Variants in MPDZ observed in about 807,000 individuals in gnomAD.
The protein encoded by MPDZ is multiple PDZ domain protein.
In MPDZ, 234 loss-of-function variants were observed where a neutral mutation model predicts 239.1. The observed-to-expected ratio is 0.98, with a 90% CI of 0.88 to 1.09. MPDZ has a LOEUF of 1.09. Ranked by LOEUF, MPDZ falls within the 50% of genes least tolerant of loss-of-function variation. The probability of loss-of-function intolerance (pLI) is 0.00; values close to 1 mark genes in which losing one functional copy is unlikely to be tolerated. For missense variants in MPDZ, 3,175 were observed against 2,510.0 expected, an observed-to-expected ratio of 1.26 and a Z score of -5.66; for synonymous variants, 1,048 against 881.3, an observed-to-expected ratio of 1.19 and a Z score of -3.35.
At chr9:13,117,594 G>A (rs903915248) in intron 39 of MPDZ, among the ~76,000 whole-genome samples, 1 of 151,008 alleles carries the variant, frequency 6.6e-6, no homozygotes, top group Non-Finnish European at 1.5e-5. Context: ...ATGCATCCTT[G>A]CTATTTATAC....
intron 3 of MPDZ, among the ~76,000 whole-genome samples, chr9:13,231,680 A>G (rs975702225): frequency 2.0e-4 from 29 of 147,238 alleles, no homozygotes; most frequent in Middle Eastern, 3.5e-3. Flanking sequence ...AATTCTTCCC[A>G]TTTTTTTTTT....
chr9:13,269,460 A>G (rs142088848), intron 1 of MPDZ, among the ~76,000 whole-genome samples: 1 of 152,280 alleles, frequency 6.6e-6, no homozygotes, highest in East Asian at 1.9e-4. Context: ...TCCTAGTGGA[A>G]TCAATAACAT....
At chr9:13,191,474 C>T (rs757442122) in intron 15 of MPDZ, among the ~76,000 whole-genome samples, 9 of 152,018 alleles carry the variant, frequency 5.9e-5, no homozygotes, top group Non-Finnish European at 1.2e-4. Context: ...CATCATGATA[C>T]GAATGAATGA....
intron 19 of MPDZ, among the ~76,000 whole-genome samples, chr9:13,181,278 G>C (rs1953282300): frequency 6.6e-6 from 1 of 152,034 alleles, no homozygotes; most frequent in African/African-American, 2.4e-5. Flanking sequence ...AAGCCTTTAA[G>C]TACGCTCACT....
intron 31 of MPDZ, chr9:13,134,212 A>G (rs1418303674): frequency 6.3e-6 from 1 of 158,164 alleles, no homozygotes; most frequent in African/African-American, 2.4e-5. Flanking sequence ...GGTTTACTGT[A>G]TAATGAAAAC....
chr9:13,172,666 C>T (rs973710762), intron 21 of MPDZ, among the ~76,000 whole-genome samples: 17 of 152,180 alleles, frequency 1.1e-4, no homozygotes, highest in Admixed American at 3.9e-4. Flanking sequence ...GGATTACAGG[C>T]GTGAGCCACC....
intron 1 of MPDZ, among the ~76,000 whole-genome samples, chr9:13,269,163 G>A (rs1393710070): frequency 6.6e-6 from 1 of 152,126 alleles, no homozygotes; most frequent in Non-Finnish European, 1.5e-5. Context: ...GAATGAGTGA[G>A]ACAAACAGAG....
Position 13,183,539 on chromosome 9 carries a change from G to T in MPDZ, c.2528C>A (p.Ser843Tyr). ...GCTGTCATTTTCAGGAGAGTATGGA[G>T]ACTCAAATGTGGATTCATCTACTAA... ...ADLVDESTFE[S>Y]PYSPENDSIY... Residue 843 changes from serine (S) to tyrosine (Y), a missense_variant, in exon 19 of 47, where the codon TCT becomes TAT. Physicochemically the swap from Ser to Tyr is moderately radical, Grantham distance 144. Transcript: ENST00000319217. The T allele has an allele frequency of 6.2e-7, 1 of 1,612,458 alleles. No homozygotes were observed. Among genetic ancestry groups the T allele is most frequent in the Non-Finnish European group, 8.5e-7 (1 of 1,179,050 alleles).
chr9:13,221,324 C>T, intron 7 of MPDZ, 48 bp downstream of exon 7: 1 of 1,516,300 alleles, frequency 6.6e-7, no homozygotes, highest in Non-Finnish European at 8.9e-7. Context: ...AAAGATGTAC[C>T]CATATTATTT....
chr9:13,226,169 G>C (rs1960531163), intron 3 of MPDZ, among the ~76,000 whole-genome samples: 1 of 152,046 alleles, frequency 6.6e-6, no homozygotes, highest in Non-Finnish European at 1.5e-5. Flanking sequence ...GGAGGACTGT[G>C]CCCTCAAATC....
chr9:13,206,435 C>T (rs1045746746), intron 10 of MPDZ, among the ~76,000 whole-genome samples: 1 of 152,004 alleles, frequency 6.6e-6, no homozygotes, highest in Non-Finnish European at 1.5e-5. Context: ...ATTGCCCAGC[C>T]TGGAGTGCAG....
At chr9:13,213,423 A>T (rs941651798) in intron 10 of MPDZ, among the ~76,000 whole-genome samples, 3 of 152,078 alleles carry the variant, frequency 2.0e-5, no homozygotes, top group Non-Finnish European at 2.9e-5. Context: ...ATAAAAATAG[A>T]TTATACTCCT....
intron 2 of MPDZ, among the ~76,000 whole-genome samples, chr9:13,248,595 G>A (rs1966959323): frequency 6.6e-6 from 1 of 151,872 alleles, no homozygotes; most frequent in Non-Finnish European, 1.5e-5. Flanking sequence ...AATGAAGACT[G>A]TTCAGATGTA....
chr9:13,249,117 C>T (rs1466667165), intron 2 of MPDZ, among the ~76,000 whole-genome samples: 1 of 149,950 alleles, frequency 6.7e-6, no homozygotes, highest in East Asian at 2.0e-4. Flanking sequence ...CACACACACA[C>T]ACACACACAC....
Position 13,162,936 on chromosome 9 carries a change from C to T in MPDZ, c.3255-141G>A, listed in dbSNP as rs950055751. The stretch of plus-strand genomic sequence containing the variant: ...ATACAACTCATTTAATCAGTATATT[C>T]AGCAGAGAATCCAAACTTCAATAGG... On this transcript the variant is annotated intron_variant, in intron 22 of 46. Transcript: ENST00000319217. The T allele has an allele frequency of 8.3e-5, 47 of 564,688 alleles. 1 individual carries two copies. Among genetic ancestry groups the T allele is most frequent in the Non-Finnish European group, 1.2e-4 (38 of 323,488 alleles). The allele number at this position is 564,688 out of a possible 1,614,324, so 35.0% of individuals were successfully genotyped here. A position where few individuals can be genotyped will look rare whatever the true frequency, so the allele number is the denominator to read the frequency against.
At chr9:13,188,391 G>A (rs919512022) in intron 17 of MPDZ, among the ~76,000 whole-genome samples, 1 of 151,974 alleles carries the variant, frequency 6.6e-6, no homozygotes, top group Admixed American at 6.6e-5. Flanking sequence ...GGTCGTGGCT[G>A]TAGTCCCAGC....
intron 1 of MPDZ, among the ~76,000 whole-genome samples, chr9:13,267,350 C>A (rs1972012719): frequency 6.6e-6 from 1 of 152,124 alleles, no homozygotes; most frequent in Non-Finnish European, 1.5e-5. Flanking sequence ...TTCCTTTAAT[C>A]CTACCAAGAG....
At chr9:13,203,728 CCACACACACACACACACACACA>C (rs58472339) in intron 12 of MPDZ, among the ~76,000 whole-genome samples, 7 of 140,558 alleles carry the variant, frequency 5.0e-5, no homozygotes, top group African/African-American at 1.6e-4. Flanking sequence ...ATGTATCCTG[CCACACACACACACACACACACA>C]CACACACACA....
chr9:13,142,440 C>T (rs1474503770), intron 27 of MPDZ, among the ~76,000 whole-genome samples: 4 of 152,108 alleles, frequency 2.6e-5, no homozygotes, highest in Non-Finnish European at 4.4e-5. Context: ...GTATCTGCCT[C>T]GTTAGTGACA....
Sources: allele counts gnomAD v4.1 joint callset (sites outside exome capture counted in the v4.1 genomes callset), GRCh38; gene constraint gnomAD v4.1.1; transcripts MANE v1.5; gene names NCBI Gene and HGNC (gene_info 2026-07-23, HGNC 2026-07-21).